TTBK1: variants seen among roughly 807,000 people sequenced by gnomAD.
TTBK1 encodes tau tubulin kinase 1, also known as tau-tubulin kinase 1.
TTBK1 carries 34 observed loss-of-function variants against 108.5 expected under a neutral mutation model. The ratio of observed to expected loss-of-function variants is 0.31; its 90% CI spans 0.24 to 0.42. The LOEUF is 0.42. Ranked by LOEUF, TTBK1 falls within the 10% of genes least tolerant of loss-of-function variation. The pLI is 1.00. For missense variants in TTBK1, 1,539 were observed against 1,826.0 expected (o/e 0.84, Z 2.86); for synonymous variants, 809 against 795.1 (o/e 1.02, Z -0.29).
intron 2 of TTBK1, among the ~76,000 whole-genome samples, chr6:43,247,716 G>A (rs1777131711): frequency 6.6e-6 from 1 of 152,226 alleles, no homozygotes; most frequent in South Asian, 2.1e-4. Flanking sequence ...GTTCACGGGA[G>A]TGCGGGGTTG....
chr6:43,272,729 C>G (rs1364467898), intron 13 of TTBK1: 1 of 963,812 alleles, frequency 1.0e-6, no homozygotes, highest in Non-Finnish European at 1.2e-6. Flanking sequence ...TGAAGCTCGG[C>G]AGAGCTTCAC....
At chr6:43,281,520 G>A (rs1017311852) in intron 13 of TTBK1, among the ~76,000 whole-genome samples, 11 of 152,184 alleles carry the variant, frequency 7.2e-5, no homozygotes, top group African/African-American at 2.7e-4. Context: ...AGTGCAGAAT[G>A]GAGAGAACAG....
rs1777761921 is a variant in TTBK1 at position 43,269,340 on chromosome 6, G to A, written c.1986+5990G>A. Among the ~76,000 whole-genome samples, 1 of 152,230 alleles carries A rather than the reference G, an allele frequency of 6.6e-6. No homozygotes were observed. The highest frequency in any genetic ancestry group is 1.5e-5 in the Non-Finnish European group (1 of 68,040). On this transcript the variant is annotated intron_variant, in intron 13 of 14. Transcript: ENST00000259750. The surrounding 1 kb of genome is among the most constrained non-coding windows in gnomAD (Gnocchi z 4.8). ...CCCAGTCCAGAACAACCCTGAGCTA[G>A]GTAGGACTAAGCCAGGAAGGCTTCT...
chr6:43,275,699 C>G (rs919989085), intron 13 of TTBK1, among the ~76,000 whole-genome samples: 6 of 152,132 alleles, frequency 3.9e-5, no homozygotes, highest in African/African-American at 1.4e-4. Context: ...CCAACAGCCC[C>G]CTTTTTGCCC....
At position 43,285,210 on chromosome 6, in the gene TTBK1, G is replaced by A. The variant is rs1778335597; in HGVS notation, c.3800G>A (p.Arg1267Gln). ...AGCCCCTCCCCCTCGCACCAGGCCC[G>A]GCCCGGGGTCCCCCCGCCCCGGGGC... is the stretch of plus-strand genomic sequence containing the variant. ...RESPSPSHQARPGVPPPRGVP... is the reference protein window; with the variant it reads ...RESPSPSHQAQPGVPPPRGVP... The change falls in exon 15 of 15, where the codon CGG (arginine) becomes CAG (glutamine). Residue 1267 changes from arginine (R) to glutamine (Q), a missense_variant. By Grantham distance (43) the Arg-to-Gln change is conservative (BLOSUM62 1). Coordinates refer to ENST00000259750, the MANE Select transcript of TTBK1 (RefSeq NM_032538.3). The surrounding 1 kb of genome is among the most constrained non-coding windows in gnomAD (Gnocchi z 4.7). 7.6e-7 allele frequency: 1 copy of A among 1,319,972 alleles called. No individual in the cohort carries two copies. 81.8% of individuals were successfully genotyped at this position (1,319,972 alleles called of 1,614,324 possible).
In TTBK1 at chr6:43,263,698, T is replaced by C. The variant is rs1777606900; in HGVS notation, c.1986+348T>C. 6.6e-6 allele frequency among the ~76,000 whole-genome samples: 1 copy of C among 152,092 alleles called. No homozygotes were observed. Among genetic ancestry groups the C allele is most frequent in the African/African-American group, 2.4e-5 (1 of 41,414 alleles). On this transcript the variant is annotated intron_variant, in intron 13 of 14. Coordinates refer to ENST00000259750, the MANE Select transcript of TTBK1 (RefSeq NM_032538.3). This position sits in a 1 kb window ranked among gnomAD's most constrained non-coding sequence, Gnocchi z 4.7. Reference sequence around the variant, plus strand: ...GATGGCACACTGCAGCAGACAAGGCTGTGAGGTCAGCCCTGGGCCCTGCCA... The same window carrying C: ...GATGGCACACTGCAGCAGACAAGGCCGTGAGGTCAGCCCTGGGCCCTGCCA...
rs1777999277 is a variant in TTBK1 at position 43,276,349 on chromosome 6, G to C, written c.1987-6378G>C. On this transcript the variant is annotated intron_variant, in intron 13 of 14. Transcript: ENST00000259750. The surrounding 1 kb of genome is among the most constrained non-coding windows in gnomAD (Gnocchi z 5.4). ...CTCTCTCCGGGGTGCGTCCTCCTTAGTGTACATAGCGGCGTCGGGGGGTGG... is the reference window on the plus strand; with the variant it reads ...CTCTCTCCGGGGTGCGTCCTCCTTACTGTACATAGCGGCGTCGGGGGGTGG... 6.6e-6 allele frequency among the ~76,000 whole-genome samples: 1 copy of C among 152,134 alleles called. No homozygotes were observed. The highest frequency in any genetic ancestry group is 6.5e-5 in the Admixed American group (1 of 15,284).
Position 43,285,250 on chromosome 6 carries a change from G to A in TTBK1, c.3840G>A (p.Arg1280=), listed in dbSNP as rs1778340442. 5 of 1,297,696 alleles carry A rather than the reference G, an allele frequency of 3.9e-6. No individual in the cohort carries two copies. The highest frequency in any genetic ancestry group is 4.9e-6 in the Non-Finnish European group (5 of 1,027,604). 80.4% of individuals were successfully genotyped at this position (1,297,696 alleles called of 1,614,324 possible). Residue 1280 remains arginine, a synonymous_variant, in exon 15 of 15, where the codon CGG becomes CGA. Transcript: ENST00000259750. The surrounding 1 kb of genome is among the most constrained non-coding windows in gnomAD (Gnocchi z 4.7). Reference sequence around the variant, plus strand: ...CGCCCCGGGGCGTCCCGCCGGCCCGGGCCCAGCCTGATGGCACCCCCTCCC... The same window carrying A: ...CGCCCCGGGGCGTCCCGCCGGCCCGAGCCCAGCCTGATGGCACCCCCTCCC... ...VPPPRGVPPA[R]AQPDGTPSPG...
At position 43,253,777 on chromosome 6, in the gene TTBK1, C is replaced by T. The variant is rs1156780676; in HGVS notation, c.471+69C>T. On this transcript the variant is annotated intron_variant, in intron 5 of 14. Transcript: ENST00000259750. The surrounding 1 kb of genome is among the most constrained non-coding windows in gnomAD (Gnocchi z 5.8). The stretch of plus-strand genomic sequence containing the variant: ...CACACCCCTAATTCTTTCCCTGGGT[C>T]TCCTGGTTTCTCCTCTGCAACCATG... The T allele has an allele frequency of 5.3e-6, 8 of 1,516,616 alleles. No homozygotes were observed. Among genetic ancestry groups the T allele is most frequent in the Non-Finnish European group, 6.2e-6 (7 of 1,130,110 alleles). The allele number at this position is 1,516,616 out of a possible 1,614,324, so 93.9% of individuals were successfully genotyped here.
In TTBK1 at chr6:43,273,984, T is replaced by C. The variant is rs577818455; in HGVS notation, c.1987-8743T>C. 6.6e-6 allele frequency among the ~76,000 whole-genome samples: 1 copy of C among 152,288 alleles called. No individual in the cohort carries two copies. Among genetic ancestry groups the C allele is most frequent in the African/African-American group, 2.4e-5 (1 of 41,558 alleles). The stretch of plus-strand genomic sequence containing the variant: ...GGATGTGTGGTGTGTGCTGTGTTTA[T>C]ACATGTGGTGTGCATAAGTGCCTGA... On this transcript the variant is annotated intron_variant, in intron 13 of 14. Coordinates refer to ENST00000259750, the MANE Select transcript of TTBK1 (RefSeq NM_032538.3). The surrounding 1 kb of genome is among the most constrained non-coding windows in gnomAD (Gnocchi z 4.2).
At chr6:43,278,072 T>C (rs1778056753) in intron 13 of TTBK1, among the ~76,000 whole-genome samples, 1 of 152,084 alleles carries the variant, frequency 6.6e-6, no homozygotes, top group South Asian at 2.1e-4. Flanking sequence ...GCCTGAAGTC[T>C]GGGGCTGGCT....
At chr6:43,270,414 GGTGTGTGTGTGTGTGTGTGTGT>G (rs3078973) in intron 13 of TTBK1, 5 of 929,430 alleles carry the variant, frequency 5.4e-6, no homozygotes, top group Admixed American at 6.7e-5. Context: ...CTCCTTGCAT[GGTGTGTGTGTGTGTGTGTGTGT>G]GTGTGTGTGT....
At chr6:43,256,783 T>G (rs1777393342) in intron 9 of TTBK1, among the ~76,000 whole-genome samples, 1 of 152,158 alleles carries the variant, frequency 6.6e-6, no homozygotes, top group Admixed American at 6.5e-5. Context: ...CAAATGCTTT[T>G]AAGTACTTTA....
rs1777349515 is a variant in TTBK1, at chr6:43,255,112, C to T, written c.640C>T (p.Arg214Trp). The T allele has an allele frequency of 2.9e-6, 4 of 1,381,698 alleles. No homozygotes were observed. The highest frequency in any genetic ancestry group is 3.9e-6 in the Non-Finnish European group (4 of 1,038,448). The allele number at this position is 1,381,698 out of a possible 1,614,324, so 85.6% of individuals were successfully genotyped here. A position where few individuals can be genotyped will look rare whatever the true frequency, so the allele number is the denominator to read the frequency against. Residue 214 changes from arginine to tryptophan, a missense_variant and splice_region_variant, in exon 7 of 15, where the codon CGG becomes TGG. Physicochemically the swap from Arg to Trp is moderately radical, Grantham distance 101. Transcript: ENST00000259750. Reference protein sequence around the residue: ...RYASVNAHKNREMGRHDDLWS... With the variant: ...RYASVNAHKNWEMGRHDDLWS... ...TGCCTCAGTCAATGCCCACAAGAACCGGGTGAGTGGCAAAGCCCGGGATGC... is the reference window on the plus strand; with the variant it reads ...TGCCTCAGTCAATGCCCACAAGAACTGGGTGAGTGGCAAAGCCCGGGATGC...
rs779747531 is a variant in TTBK1 at position 43,283,497 on chromosome 6, C to T, written c.2757C>T (p.Thr919=). Residue 919 remains threonine, a synonymous_variant, in exon 14 of 15, where the codon ACC becomes ACT. Coordinates refer to ENST00000259750, the MANE Select transcript of TTBK1 (RefSeq NM_032538.3). This position sits in a 1 kb window ranked among gnomAD's most constrained non-coding sequence, Gnocchi z 8.1. ...VTTGVGGVAV[T]SSPFTKVERT... is the part of the protein sequence containing the mutation. ...CAGGGGTCGGGGGCGTGGCAGTCACCTCCTCACCCTTCACCAAAGTTGAGA... is the reference window on the plus strand; with the variant it reads ...CAGGGGTCGGGGGCGTGGCAGTCACTTCCTCACCCTTCACCAAAGTTGAGA... 4 of 1,614,160 alleles carry T rather than the reference C, an allele frequency of 2.5e-6. No individual in the cohort carries two copies. Among genetic ancestry groups the T allele is most frequent in the Non-Finnish European group, 3.4e-6 (4 of 1,179,992 alleles).
rs1777579159 is a variant in TTBK1 at position 43,262,890 on chromosome 6, G to A, written c.1526G>A (p.Ser509Asn). ...VDTGHADRQA[S>N]GRMDVSASVE... is the part of the protein sequence containing the mutation. ...ACAGGCCACGCTGACCGACAGGCCAGTGGCCGCATGGACGTGTCAGCCTCT... is the reference window on the plus strand; with the variant it reads ...ACAGGCCACGCTGACCGACAGGCCAATGGCCGCATGGACGTGTCAGCCTCT... Residue 509 changes from serine to asparagine, a missense_variant, in exon 13 of 15, where the codon AGT (serine) becomes AAT (asparagine). Physicochemically the swap from Ser to Asn is conservative, Grantham distance 46. Coordinates refer to ENST00000259750, the MANE Select transcript of TTBK1 (RefSeq NM_032538.3). 3 of 1,613,684 alleles carry A rather than the reference G, an allele frequency of 1.9e-6. No individual in the cohort carries two copies. Among genetic ancestry groups the A allele is most frequent in the African/African-American group, 1.3e-5 (1 of 75,066 alleles).
rs750170692 is a variant in TTBK1 at position 43,282,939 on chromosome 6, G to A, written c.2199G>A (p.Glu733=). 1 of 1,612,700 alleles carries A rather than the reference G, an allele frequency of 6.2e-7. No homozygotes were observed. Among genetic ancestry groups the A allele is most frequent in the Non-Finnish European group, 8.5e-7 (1 of 1,179,140 alleles). The change falls in exon 14 of 15, where the codon GAG becomes GAA. Residue 733 remains glutamate, a synonymous_variant. Coordinates refer to ENST00000259750, the MANE Select transcript of TTBK1 (RefSeq NM_032538.3). This position sits in a 1 kb window ranked among gnomAD's most constrained non-coding sequence, Gnocchi z 5.4. ...TTCAGCCTCAGGCTAATGGGAAGGA[G>A]GAAGAGGAGGAGGAGGAGGAAGATG... is the stretch of plus-strand genomic sequence containing the variant. ...APVQPQANGK[E]EEEEEEEDEE...
chr6:43,277,435 C>T (rs920784576), intron 13 of TTBK1, among the ~76,000 whole-genome samples: 1 of 152,178 alleles, frequency 6.6e-6, no homozygotes, highest in Admixed American at 6.5e-5. Flanking sequence ...CATACCTCCA[C>T]CCCATCCCCG....
intron 13 of TTBK1, among the ~76,000 whole-genome samples, chr6:43,275,308 G>A (rs955349090): frequency 1.3e-5 from 2 of 151,746 alleles, no homozygotes; most frequent in African/African-American, 4.8e-5. Context: ...GCCCCGCCGC[G>A]CTCCCGCCCC....
Sources: allele counts gnomAD v4.1 joint callset (sites outside exome capture counted in the v4.1 genomes callset), GRCh38; gene constraint gnomAD v4.1.1; non-coding constraint Gnocchi (gnomAD v3.1); transcripts MANE v1.5; gene names NCBI Gene and HGNC (gene_info 2026-07-23, HGNC 2026-07-21).